MAST4: variants seen among roughly 807,000 people sequenced by gnomAD.
The protein encoded by MAST4 is microtubule associated serine/threonine kinase family member 4.
In MAST4, 89 loss-of-function variants were observed where a neutral mutation model predicts 162.7. The observed-to-expected ratio is 0.55, with a 90% CI of 0.46 to 0.65. MAST4 has a LOEUF of 0.65. Ranked by LOEUF, MAST4 falls within the 30% of genes least tolerant of loss-of-function variation. MAST4 has a pLI of 0.00. For synonymous variants in MAST4, 1,479 were observed against 1,361.1 expected (o/e 1.09, Z -1.91); for missense variants, 3,153 against 3,374.0 (o/e 0.93, Z 1.62).
Position 67,162,722 on chromosome 5 carries a change from C to G in MAST4, c.3901C>G (p.Pro1301Ala). 1.2e-6 allele frequency: 2 copies of G among 1,613,828 alleles called. No homozygotes were observed. The highest frequency in any genetic ancestry group is 2.2e-5 in the East Asian group (1 of 44,848). ...LSSGESLPGS[P>A]THSLSPRSPT... ...ATCGGGTGAGAGCCTCCCAGGTTCCCCCACTCATAGCTTGTCTCCCCGGTC... is the reference window on the plus strand; with the variant it reads ...ATCGGGTGAGAGCCTCCCAGGTTCCGCCACTCATAGCTTGTCTCCCCGGTC... Residue 1301 changes from proline to alanine, a missense_variant, in exon 28 of 29, where the codon CCC becomes GCC. Physicochemically the swap from Pro to Ala is conservative, Grantham distance 27. Around this residue, in one of 7 missense-constraint regions of MAST4, gnomAD observed 619 missense variants for 744.2 expected, o/e 0.83. Coordinates refer to ENST00000403625, the MANE Select transcript of MAST4 (RefSeq NM_001164664.2).
intron 4 of MAST4, among the ~76,000 whole-genome samples, chr5:66,992,304 A>G (rs985856356): frequency 2.6e-5 from 4 of 152,190 alleles, no homozygotes; most frequent in African/African-American, 7.2e-5. Context: ...AATAAAAGAG[A>G]TAGTGTCTAT....
intron 4 of MAST4, among the ~76,000 whole-genome samples, chr5:67,052,749 AT>A (rs1292402188): frequency 1.3e-5 from 2 of 152,264 alleles, no homozygotes; most frequent in Middle Eastern, 3.4e-3. Flanking sequence ...ACACGAAAAA[AT>A]GTAGCCATTT....
chr5:67,081,528 T>C (rs1762654405), intron 5 of MAST4, among the ~76,000 whole-genome samples: 1 of 151,996 alleles, frequency 6.6e-6, no homozygotes. Flanking sequence ...GGTTCAGAGC[T>C]CTCAGGGACA....
At chr5:66,710,251 C>T (rs1288898377) in intron 1 of MAST4, among the ~76,000 whole-genome samples, 3 of 152,194 alleles carry the variant, frequency 2.0e-5, no homozygotes, top group Non-Finnish European at 4.4e-5. Context: ...ATTTGGTTTT[C>T]CAGATGGAGA....
intron 4 of MAST4, among the ~76,000 whole-genome samples, chr5:67,017,473 G>C (rs556385608): frequency 1.3e-5 from 2 of 152,104 alleles, no homozygotes; most frequent in South Asian, 4.1e-4. Flanking sequence ...GTTGAGACAA[G>C]TTTATTGAGA....
At chr5:66,670,549 G>A (rs1019529895) in intron 1 of MAST4, among the ~76,000 whole-genome samples, 1 of 152,078 alleles carries the variant, frequency 6.6e-6, no homozygotes, top group South Asian at 2.1e-4. Flanking sequence ...ATGAAAGTTT[G>A]GCTGGGGAAT....
At chr5:66,845,631 G>A (rs141667362) in intron 3 of MAST4, among the ~76,000 whole-genome samples, 1,677 of 152,206 alleles carry the variant, frequency 0.011, 33 homozygotes, top group African/African-American at 0.038. Context: ...TATATACCCA[G>A]TAATGGATGG....
intron 4 of MAST4, among the ~76,000 whole-genome samples, chr5:66,982,248 T>C (rs147079711): frequency 1.2e-4 from 18 of 152,304 alleles, no homozygotes; most frequent in Admixed American, 8.5e-4. Flanking sequence ...TTCTGAAACA[T>C]GAGCATCCTG....
intron 3 of MAST4, among the ~76,000 whole-genome samples, chr5:66,832,663 A>G (rs1187445502): frequency 6.6e-6 from 1 of 152,138 alleles, no homozygotes; most frequent in Non-Finnish European, 1.5e-5. Flanking sequence ...ACCTTAATAT[A>G]ATTATGGGTA....
chr5:66,985,806 A>C (rs563643675), intron 4 of MAST4, among the ~76,000 whole-genome samples: 2 of 152,320 alleles, frequency 1.3e-5, no homozygotes, highest in African/African-American at 4.8e-5. Flanking sequence ...ATTAGAAAAA[A>C]TAAAATGGCA....
Position 66,768,508 on chromosome 5 carries a change from ATTATG to A in MAST4, c.517+8650_517+8654del, listed in dbSNP as rs576400716. 4.7e-4 allele frequency among the ~76,000 whole-genome samples: 72 copies of A among 152,354 alleles called. No homozygotes were observed. The Middle Eastern group carries it at 0.01, about 22-fold the overall frequency. ...AGCAATCTGGATGAATGTCCAGAAAATTATGTTAAGTGAAAAAGTCAGTCCAAAGA... is the reference window on the plus strand; with the variant it reads ...AGCAATCTGGATGAATGTCCAGAAAATTAAGTGAAAAAGTCAGTCCAAAGA... On this transcript the variant is annotated intron_variant, in intron 2 of 28. Transcript: ENST00000403625.
chr5:66,955,355 A>G (rs1239184522), intron 4 of MAST4, among the ~76,000 whole-genome samples: 1 of 152,090 alleles, frequency 6.6e-6, no homozygotes, highest in African/African-American at 2.4e-5. Context: ...TGTAAGTGCA[A>G]AGGGCAAGAG....
chr5:66,974,601 T>C (rs1747892723), intron 4 of MAST4, among the ~76,000 whole-genome samples: 1 of 152,256 alleles, frequency 6.6e-6, no homozygotes, highest in Admixed American at 6.5e-5. Flanking sequence ...CATTTTATGA[T>C]GCATTTCCTT....
Position 67,145,179 on chromosome 5 carries a change from A to G in MAST4, c.2894A>G (p.Glu965Gly). Residue 965 changes from glutamate (E) to glycine (G), a missense_variant, in exon 23 of 29, where the codon GAA (glutamate) becomes GGA (glycine). Physicochemically the swap from Glu to Gly is moderately conservative, Grantham distance 98 (BLOSUM62 -2). Around this residue, in one of 7 missense-constraint regions of MAST4, gnomAD observed 619 missense variants for 744.2 expected, o/e 0.83. Transcript: ENST00000403625. ...QLSTSNSSDT[E>G]SNRHKLSSGL... ...TCAACATCCAACTCTTCAGATACTG[A>G]AAGCAACAGACATAAACTCAGTTCT... The G allele has an allele frequency of 6.2e-7, 1 of 1,612,738 alleles. No individual in the cohort carries two copies. Among genetic ancestry groups the G allele is most frequent in the Non-Finnish European group, 8.5e-7 (1 of 1,179,368 alleles).
chr5:66,704,288 G>A (rs1389893939), intron 1 of MAST4, among the ~76,000 whole-genome samples: 1 of 152,060 alleles, frequency 6.6e-6, no homozygotes, highest in Non-Finnish European at 1.5e-5. Flanking sequence ...TTCAACATCA[G>A]TTTCCTTATC....
chr5:66,839,688 G>A (rs1374943915), intron 3 of MAST4, among the ~76,000 whole-genome samples: 2 of 152,072 alleles, frequency 1.3e-5, no homozygotes, highest in Non-Finnish European at 2.9e-5. Context: ...TCAAACTAGA[G>A]GCTGTAATGG....
In MAST4 at chr5:67,163,100, G is replaced by T. The variant is rs765059144; in HGVS notation, c.3968-47G>T. The T allele has an allele frequency of 6.4e-7, 1 of 1,552,668 alleles. No individual in the cohort carries two copies. The highest frequency in any genetic ancestry group is 8.8e-7 in the Non-Finnish European group (1 of 1,142,792). ...TCTGGGCTACAACTGTGAAAAAAAG[G>T]GGAAAATGACCATGGATGCTCACAG... On this transcript the variant is annotated intron_variant, in intron 28 of 28. Coordinates refer to ENST00000403625, the MANE Select transcript of MAST4 (RefSeq NM_001164664.2). This position sits in a 1 kb window ranked among gnomAD's most constrained non-coding sequence, Gnocchi z 7.0.
At chr5:67,096,838 G>A (rs1179856990) in intron 7 of MAST4, among the ~76,000 whole-genome samples, 3 of 151,944 alleles carry the variant, frequency 2.0e-5, no homozygotes, top group African/African-American at 7.2e-5. Flanking sequence ...TGTCCATTTA[G>A]ATCATATTTT....
chr5:66,828,368 C>A (rs1179227536), intron 3 of MAST4, among the ~76,000 whole-genome samples: 1 of 152,110 alleles, frequency 6.6e-6, no homozygotes, highest in Non-Finnish European at 1.5e-5. Flanking sequence ...GCTTGGCTGA[C>A]CAGCTGTGCC....
Sources: allele counts gnomAD v4.1 joint callset (sites outside exome capture counted in the v4.1 genomes callset), GRCh38; gene constraint gnomAD v4.1.1; regional missense constraint gnomAD v4.1.1; non-coding constraint Gnocchi (gnomAD v3.1); transcripts MANE v1.5; gene names NCBI Gene and HGNC (gene_info 2026-07-23, HGNC 2026-07-21).